PTGFRN: variants seen among roughly 807,000 people sequenced by gnomAD.
The protein encoded by PTGFRN is prostaglandin F2 receptor negative regulator.
A neutral mutation model predicts 83.2 loss-of-function variants in PTGFRN; 35 were observed. That is an observed-to-expected ratio of 0.42 (90% CI 0.32 to 0.56). The LOEUF is 0.56. PTGFRN is among the 20% of genes least tolerant of loss of function. The pLI is 0.11. For missense variants in PTGFRN, 1,051 were observed against 1,179.5 expected (o/e 0.89, Z 1.60); for synonymous variants, 519 against 498.6 (o/e 1.04, Z -0.55).
chr1:116,941,770 G>T lies in PTGFRN; in HGVS notation c.105G>T (p.Val35=). The T allele has an allele frequency of 1.9e-6, 3 of 1,614,116 alleles. No homozygotes were observed. Among genetic ancestry groups the T allele is most frequent in the Non-Finnish European group, 2.5e-6 (3 of 1,180,014 alleles). The change falls in exon 2 of 9, where the codon GTG becomes GTT. Residue 35 remains valine, a synonymous_variant. Transcript: ENST00000393203. The surrounding 1 kb of genome is among the most constrained non-coding windows in gnomAD (Gnocchi z 5.0). ...RVPTATLVRV[V]GTELVIPCNV... ...CCACAGCGACCCTGGTTCGAGTGGT[G>T]GGCACTGAGCTGGTCATCCCCTGCA... is the stretch of plus-strand genomic sequence containing the variant.
In PTGFRN at chr1:116,988,264, T is replaced by C. The variant is rs1001752679; in HGVS notation, c.*1297T>C. 1 of 152,320 alleles carries C rather than the reference T, an allele frequency of 6.6e-6. No individual in the cohort carries two copies. Among genetic ancestry groups the C allele is most frequent in the Non-Finnish European group, 1.5e-5 (1 of 68,060 alleles). 9.4% of individuals were successfully genotyped at this position (152,320 alleles called of 1,614,324 possible). On this transcript the variant is annotated 3_prime_UTR_variant, in exon 9 of 9. Transcript: ENST00000393203. ...AAGGAAACCCAGCAATTTGCTGTTA[T>C]GTGAATGGCCTGTAGAGCAGAGTCA...
At chr1:116,915,530 G>A (rs1649382735) in intron 1 of PTGFRN, among the ~76,000 whole-genome samples, 3 of 152,212 alleles carry the variant, frequency 2.0e-5, no homozygotes, top group African/African-American at 7.2e-5. Flanking sequence ...ATTAATGCCT[G>A]CCCTGGCTAT....
chr1:116,915,511 G>A (rs1649382296), intron 1 of PTGFRN, among the ~76,000 whole-genome samples: 1 of 152,212 alleles, frequency 6.6e-6, no homozygotes, highest in African/African-American at 2.4e-5. Context: ...TCCTGTATCT[G>A]CCAAGCTGAT....
intron 1 of PTGFRN, among the ~76,000 whole-genome samples, chr1:116,930,432 C>A (rs1393693096): frequency 6.6e-6 from 1 of 152,194 alleles, no homozygotes; most frequent in Non-Finnish European, 1.5e-5. Flanking sequence ...CACTGCTGGG[C>A]AGATTTCCTT....
At chr1:116,980,350 C>T (rs1408936382) in intron 7 of PTGFRN, among the ~76,000 whole-genome samples, 1 of 152,166 alleles carries the variant, frequency 6.6e-6, no homozygotes, top group Non-Finnish European at 1.5e-5. Flanking sequence ...TTGACCCAGC[C>T]ATCCCATTAC....
intron 1 of PTGFRN, among the ~76,000 whole-genome samples, chr1:116,917,219 A>C (rs1172310701): frequency 6.6e-6 from 1 of 152,204 alleles, no homozygotes; most frequent in East Asian, 1.9e-4. Flanking sequence ...ACTCTGAGTC[A>C]GAAACGATCG....
chr1:116,910,048 C>A lies in PTGFRN; in HGVS notation c.-156C>A. 1.2e-6 allele frequency: 1 copy of A among 830,708 alleles called. No individual in the cohort carries two copies. The highest frequency in any genetic ancestry group is 1.9e-6 in the Non-Finnish European group (1 of 515,144). The allele number at this position is 830,708 out of a possible 1,614,324, so 51.5% of individuals were successfully genotyped here. A position where few individuals can be genotyped will look rare whatever the true frequency, so the allele number is the denominator to read the frequency against. On this transcript the variant is annotated 5_prime_UTR_variant, in exon 1 of 9. Transcript: ENST00000393203. ...CGGAGCCAGGGGCGCACGTACGCCC[C>A]AGCGCTGGGATTTATCGGCTCGCGA...
chr1:116,950,451 C>T (rs1650314797), intron 4 of PTGFRN, among the ~76,000 whole-genome samples: 1 of 152,186 alleles, frequency 6.6e-6, no homozygotes, highest in Non-Finnish European at 1.5e-5. Flanking sequence ...TCTCTACTGT[C>T]CGTGAGTGCC....
At chr1:116,982,087 T>C (rs1651336963) in intron 7 of PTGFRN, among the ~76,000 whole-genome samples, 1 of 152,116 alleles carries the variant, frequency 6.6e-6, no homozygotes, top group African/African-American at 2.4e-5. Context: ...GAAGAGAAAG[T>C]GATGGTAAAA....
Position 116,967,714 on chromosome 1 carries a change from GC to G in PTGFRN, c.2059+385del, listed in dbSNP as rs201081533. 1.7e-3 allele frequency among the ~76,000 whole-genome samples: 263 copies of G among 152,254 alleles called. 5 individuals carry two copies. The East Asian group carries it at 0.049, about 28-fold the overall frequency. On this transcript the variant is annotated intron_variant, in intron 6 of 8. Transcript: ENST00000393203. ...CTTTCTATCTGGCTTCTTTTTTGGA[GC>G]AAAATGTTTTCAAGGGTCATCCATA...
In PTGFRN at chr1:116,982,216, C is replaced by T. The variant is rs150688837; in HGVS notation, c.2168-2464C>T. Reference sequence around the variant, plus strand: ...CACACAAAAATAAATCCTTTAAATGCTCTTTCTCAGTAAATTAATAGGTCA... The same window carrying T: ...CACACAAAAATAAATCCTTTAAATGTTCTTTCTCAGTAAATTAATAGGTCA... On this transcript the variant is annotated intron_variant, in intron 7 of 8. Coordinates refer to ENST00000393203, the MANE Select transcript of PTGFRN (RefSeq NM_020440.4). Among the ~76,000 whole-genome samples, 41 of 152,272 alleles carry T rather than the reference C, an allele frequency of 2.7e-4. No individual in the cohort carries two copies. In the East Asian group the frequency reaches 6.8e-3, roughly 25 times the overall value.
At position 116,941,260 on chromosome 1, in the gene PTGFRN, G is replaced by A. The variant is rs1000047226; in HGVS notation, c.50-455G>A. 6.6e-6 allele frequency among the ~76,000 whole-genome samples: 1 copy of A among 152,176 alleles called. No homozygotes were observed. The highest frequency in any genetic ancestry group is 2.4e-5 in the African/African-American group (1 of 41,436). On this transcript the variant is annotated intron_variant, in intron 1 of 8. Transcript: ENST00000393203. The surrounding 1 kb of genome is among the most constrained non-coding windows in gnomAD (Gnocchi z 5.0). ...CTCTAGGATTTAAAAATTGGCATCCGTCATTGTAAATCAGGTCTCAGGAGC... is the reference window on the plus strand; with the variant it reads ...CTCTAGGATTTAAAAATTGGCATCCATCATTGTAAATCAGGTCTCAGGAGC...
intron 1 of PTGFRN, among the ~76,000 whole-genome samples, 189 bp downstream of exon 1, chr1:116,910,441 C>T (rs1047282209): frequency 7.3e-5 from 11 of 150,552 alleles, no homozygotes; most frequent in Admixed American, 5.3e-4. Context: ...GAGCCTGGCG[C>T]GAATCCGCTC....
At chr1:116,949,021 T>C (rs573642431) in intron 3 of PTGFRN, among the ~76,000 whole-genome samples, 171 bp from the exon 4 acceptor site, 2 of 152,400 alleles carry the variant, frequency 1.3e-5, no homozygotes, top group African/African-American at 2.4e-5. Context: ...AAATGTGGTA[T>C]GTTCTGTTAA....
intron 7 of PTGFRN, among the ~76,000 whole-genome samples, chr1:116,975,563 A>C (rs1220068449): frequency 1.3e-5 from 2 of 152,254 alleles, no homozygotes; most frequent in African/African-American, 4.8e-5. Context: ...TTTGCTGTTC[A>C]GCAATATTCG....
intron 6 of PTGFRN, among the ~76,000 whole-genome samples, chr1:116,972,259 C>T (rs1651024655): frequency 1.3e-5 from 2 of 152,160 alleles, no homozygotes; most frequent in Non-Finnish European, 2.9e-5. Context: ...CATCCCTTTC[C>T]CCATTTCCTG....
chr1:116,921,828 G>GA (rs1649543768), intron 1 of PTGFRN, among the ~76,000 whole-genome samples: 1 of 152,132 alleles, frequency 6.6e-6, no homozygotes, highest in Non-Finnish European at 1.5e-5. Context: ...TTATAGAGAT[G>GA]AAACTGAGGC....
chr1:116,966,341 AC>A (rs1650830187), intron 5 of PTGFRN, among the ~76,000 whole-genome samples: 1 of 152,262 alleles, frequency 6.6e-6, no homozygotes, highest in African/African-American at 2.4e-5. Flanking sequence ...GCAAATACAT[AC>A]GCTACAGTCA....
chr1:116,931,677 A>G (rs1649807502), intron 1 of PTGFRN, among the ~76,000 whole-genome samples: 1 of 151,930 alleles, frequency 6.6e-6, no homozygotes, highest in African/African-American at 2.4e-5. Flanking sequence ...AGTTGGCATG[A>G]TCCTTTCCTG....
Sources: gnomAD v4.1 joint callset for allele counts (sites outside exome capture counted in the v4.1 genomes callset) on GRCh38, gnomAD v4.1.1 for gene constraint, Gnocchi (gnomAD v3.1) non-coding constraint, MANE v1.5 for transcripts, NCBI Gene and HGNC (gene_info 2026-07-23, HGNC 2026-07-21) for gene names.